The following THSD7B variants were observed in gnomAD, a reference collection of about 807,000 sequenced individuals.
THSD7B encodes thrombospondin type 1 domain containing 7B.
A neutral mutation model predicts 213.6 loss-of-function variants in THSD7B; 138 were observed. That is an observed-to-expected ratio of 0.65 (90% CI 0.56 to 0.74). The LOEUF (loss-of-function observed/expected upper bound fraction) is 0.74, where lower values mean the gene tolerates loss of function less well. THSD7B is among the 30% of genes least tolerant of loss of function. The pLI is 0.00. For missense variants in THSD7B, 1,931 were observed against 1,991.5 expected (o/e 0.97, Z 0.58); for synonymous variants, 742 against 687.0 (o/e 1.08, Z -1.25).
At chr2:137,050,096 G>A (rs16837946) in intron 2 of THSD7B, among the ~76,000 whole-genome samples, 12,752 of 152,190 alleles carry the variant, frequency 0.084, 771 homozygotes, top group African/African-American at 0.17. Flanking sequence ...AAAACTCTGG[G>A]CTGTAAGATT....
At chr2:137,352,335 A>C (rs1350925711) in intron 12 of THSD7B, among the ~76,000 whole-genome samples, 1 of 151,888 alleles carries the variant, frequency 6.6e-6, no homozygotes, top group Non-Finnish European at 1.5e-5. Flanking sequence ...TTGAGATGGA[A>C]TGAACCATGA....
intron 3 of THSD7B, among the ~76,000 whole-genome samples, chr2:137,059,596 G>A (rs1687232498): frequency 1.3e-5 from 2 of 151,914 alleles, no homozygotes; most frequent in Non-Finnish European, 2.9e-5. Flanking sequence ...CCAAAGTTTT[G>A]CCTTTTTAAA....
At chr2:137,617,024 T>C (rs1389571798) in intron 18 of THSD7B, among the ~76,000 whole-genome samples, 1 of 145,266 alleles carries the variant, frequency 6.9e-6, no homozygotes, top group African/African-American at 2.7e-5. Context: ...AATTGCCTTT[T>C]CTGAAAGAAA....
At chr2:136,951,835 C>A (rs1685043403) in intron 2 of THSD7B, among the ~76,000 whole-genome samples, 1 of 150,186 alleles carries the variant, frequency 6.7e-6, no homozygotes, top group East Asian at 2.0e-4. Context: ...GCAGATAAGG[C>A]ATCAAGTTTT....
At chr2:137,536,802 A>C (rs887790999) in intron 15 of THSD7B, among the ~76,000 whole-genome samples, 2 of 151,772 alleles carry the variant, frequency 1.3e-5, no homozygotes, top group African/African-American at 4.8e-5. Context: ...CTGAGGAATG[A>C]CAAAGAGGTG....
At chr2:137,595,972 A>C (rs1300694389) in intron 17 of THSD7B, among the ~76,000 whole-genome samples, 1 of 151,938 alleles carries the variant, frequency 6.6e-6, no homozygotes, top group Non-Finnish European at 1.5e-5. Context: ...AAGACTCAGA[A>C]TCTTAGTGAA....
chr2:137,547,086 A>G (rs1230624494), intron 15 of THSD7B, among the ~76,000 whole-genome samples: 1 of 152,054 alleles, frequency 6.6e-6, no homozygotes, highest in Non-Finnish European at 1.5e-5. Context: ...TTAGTCCATA[A>G]TAAAAGTCTC....
chr2:136,814,503 A>G (rs1051597427), intron 1 of THSD7B, among the ~76,000 whole-genome samples: 1 of 151,972 alleles, frequency 6.6e-6, no homozygotes, highest in African/African-American at 2.4e-5. Flanking sequence ...GGTTCACGCC[A>G]TTCTCCTGCC....
intron 1 of THSD7B, among the ~76,000 whole-genome samples, chr2:136,849,361 T>C (rs916622678): frequency 6.6e-6 from 1 of 152,268 alleles, no homozygotes; most frequent in South Asian, 2.1e-4. Context: ...ACTAAATAAC[T>C]TGGGAAGGAG....
At chr2:136,842,392 A>G (rs1331322509) in intron 1 of THSD7B, among the ~76,000 whole-genome samples, 10 of 152,218 alleles carry the variant, frequency 6.6e-5, no homozygotes, top group African/African-American at 2.4e-4. Context: ...CCCCATTATG[A>G]GGGTCAAAGA....
At chr2:137,616,396 A>G in intron 18 of THSD7B, 80 bp downstream of exon 18, 1 of 1,292,382 alleles carries the variant, frequency 7.7e-7, no homozygotes, top group Non-Finnish European at 1.1e-6. Flanking sequence ...TTTCATTCTC[A>G]AGATTAAGAA....
chr2:137,423,848 A>G (rs1363240412), intron 14 of THSD7B, among the ~76,000 whole-genome samples: 1 of 152,132 alleles, frequency 6.6e-6, no homozygotes, highest in African/African-American at 2.4e-5. Flanking sequence ...GAGATCAAGA[A>G]TAGTCAAACA....
chr2:137,189,231 C>T (rs1680610893), intron 7 of THSD7B, among the ~76,000 whole-genome samples: 1 of 152,128 alleles, frequency 6.6e-6, no homozygotes, highest in African/African-American at 2.4e-5. Context: ...TCCTTTTCAC[C>T]AGAAGTGAGG....
intron 17 of THSD7B, among the ~76,000 whole-genome samples, chr2:137,582,183 C>T (rs887034594): frequency 6.6e-6 from 1 of 152,066 alleles, no homozygotes; most frequent in African/African-American, 2.4e-5. Flanking sequence ...TGGTTCAGGA[C>T]GTTCTGGTTC....
At chr2:137,364,683 G>A (rs749344460) in intron 12 of THSD7B, among the ~76,000 whole-genome samples, 110 of 152,174 alleles carry the variant, frequency 7.2e-4, no homozygotes, top group Non-Finnish European at 1.5e-3. Flanking sequence ...CAACTTACAA[G>A]GGAGGTGAAA....
At chr2:137,240,460 G>C (rs937418355) in intron 9 of THSD7B, among the ~76,000 whole-genome samples, 2 of 151,878 alleles carry the variant, frequency 1.3e-5, no homozygotes, top group Admixed American at 6.6e-5. Flanking sequence ...TTTCTGTTCT[G>C]CCTGCCCTCC....
chr2:137,641,676 T>C (rs1190795714), intron 20 of THSD7B, among the ~76,000 whole-genome samples: 3 of 152,220 alleles, frequency 2.0e-5, no homozygotes, highest in Non-Finnish European at 4.4e-5. Context: ...GATGAGCTGA[T>C]GACCTAATGC....
chr2:137,536,566 A>G (rs758386599), intron 15 of THSD7B, among the ~76,000 whole-genome samples: 1 of 151,792 alleles, frequency 6.6e-6, no homozygotes, highest in Admixed American at 6.6e-5. Context: ...TAGAAGTAAA[A>G]GTGGTTGAAA....
At chr2:137,308,430 G>C (rs1332907886) in intron 12 of THSD7B, among the ~76,000 whole-genome samples, 2 of 152,024 alleles carry the variant, frequency 1.3e-5, no homozygotes, top group Non-Finnish European at 2.9e-5. Context: ...AAGTGACGGA[G>C]TACCATGATA....
Sources: allele counts gnomAD v4.1 joint callset (sites outside exome capture counted in the v4.1 genomes callset), GRCh38; gene constraint gnomAD v4.1.1; transcripts MANE v1.5; gene names NCBI Gene and HGNC (gene_info 2026-07-23, HGNC 2026-07-21).